Variants in SORCS3 observed in about 807,000 individuals in gnomAD.
The protein encoded by SORCS3 is sortilin related VPS10 domain containing receptor 3.
In SORCS3, 57 loss-of-function variants were observed where a neutral mutation model predicts 146.3. That is an observed-to-expected ratio of 0.39 (90% CI 0.31 to 0.49). The LOEUF is 0.49. Among genes scored for constraint, SORCS3 ranks in the 20% least tolerant of loss-of-function variants. SORCS3 has a pLI of 0.92. For missense variants in SORCS3, 1,341 were observed against 1,575.5 expected (o/e 0.85, Z 2.52); for synonymous variants, 653 against 618.5 (o/e 1.06, Z -0.83).
At chr10:105,190,134 G>C (rs1380283859) in intron 14 of SORCS3, among the ~76,000 whole-genome samples, 1 of 152,200 alleles carries the variant, frequency 6.6e-6, no homozygotes, top group Middle Eastern at 3.2e-3. Flanking sequence ...GATTGCTAAT[G>C]AGTCATGAAG....
intron 5 of SORCS3, among the ~76,000 whole-genome samples, chr10:105,076,409 A>G (rs768371425): frequency 1.3e-5 from 2 of 152,134 alleles, no homozygotes; most frequent in Admixed American, 6.6e-5. Context: ...ATTTTTGTTC[A>G]TTCCTAATTG....
intron 2 of SORCS3, among the ~76,000 whole-genome samples, chr10:104,900,718 G>C (rs756635498): frequency 6.6e-6 from 1 of 151,936 alleles, no homozygotes; most frequent in Non-Finnish European, 1.5e-5. Flanking sequence ...GTGAAACCCC[G>C]TCTCTACTAA....
intron 9 of SORCS3, 152 bp downstream of exon 9, chr10:105,147,948 A>G: frequency 1.7e-6 from 1 of 591,760 alleles, no homozygotes; most frequent in Non-Finnish European, 2.9e-6. Flanking sequence ...TATATGCCTC[A>G]ATTCTAGTAA....
chr10:105,161,730 C>T (rs1301062232), intron 11 of SORCS3, among the ~76,000 whole-genome samples: 1 of 152,138 alleles, frequency 6.6e-6, no homozygotes, highest in Non-Finnish European at 1.5e-5. Context: ...GCCTTGATTG[C>T]ATAACTGCAC....
chr10:104,963,708 GT>G, intron 3 of SORCS3, among the ~76,000 whole-genome samples: 1 of 152,160 alleles, frequency 6.6e-6, no homozygotes, highest in East Asian at 1.9e-4. Flanking sequence ...TAACGTCTCT[GT>G]TTGGATGTGT....
intron 3 of SORCS3, among the ~76,000 whole-genome samples, chr10:104,927,659 A>C (rs2019161877): frequency 6.6e-6 from 1 of 152,186 alleles, no homozygotes. Context: ...CAGGTGGATC[A>C]CCTGAGGTCA....
At chr10:105,114,364 T>G (rs527355104) in intron 7 of SORCS3, among the ~76,000 whole-genome samples, 1 of 152,228 alleles carries the variant, frequency 6.6e-6, no homozygotes, top group South Asian at 2.1e-4. Context: ...AGCAGAAAAT[T>G]TGGAAGAGGG....
chr10:104,939,818 C>A (rs1455457357), intron 3 of SORCS3, among the ~76,000 whole-genome samples: 4 of 152,156 alleles, frequency 2.6e-5, no homozygotes, highest in Admixed American at 2.6e-4. Flanking sequence ...ATTAAACAAT[C>A]TTTCCATTGA....
intron 3 of SORCS3, among the ~76,000 whole-genome samples, chr10:104,972,907 G>C (rs1476873938): frequency 6.6e-6 from 1 of 152,146 alleles, no homozygotes; most frequent in Non-Finnish European, 1.5e-5. Flanking sequence ...AGCATGAAGG[G>C]TTGTTGAATT....
At chr10:104,820,375 C>T (rs1036680569) in intron 1 of SORCS3, among the ~76,000 whole-genome samples, 4 of 152,170 alleles carry the variant, frequency 2.6e-5, no homozygotes, top group Admixed American at 2.0e-4. Flanking sequence ...AATTTATCAA[C>T]TGGCTAACAT....
intron 1 of SORCS3, among the ~76,000 whole-genome samples, chr10:104,758,081 G>A (rs1564676784): frequency 6.6e-6 from 1 of 152,172 alleles, no homozygotes; most frequent in Non-Finnish European, 1.5e-5. Context: ...CCTCCACACT[G>A]AGGAATGAAG....
Position 105,228,591 on chromosome 10 carries a change from T to G in SORCS3, c.2868+5342T>G, listed in dbSNP as rs1589698670. ...TGTCTGGGAAATATTTCATTTCTTCTTCATTTATGAAGAATATCTTTGCTA... is the reference window on the plus strand; with the variant it reads ...TGTCTGGGAAATATTTCATTTCTTCGTCATTTATGAAGAATATCTTTGCTA... On this transcript the variant is annotated intron_variant, in intron 20 of 26. Transcript: ENST00000369701. Among the ~76,000 whole-genome samples the G allele has an allele frequency of 3.3e-5, 5 of 152,270 alleles. No homozygotes were observed. The South Asian group carries it at 1.0e-3, about 32-fold the overall frequency.
chr10:104,709,615 T>A (rs1328855273), intron 1 of SORCS3, among the ~76,000 whole-genome samples: 2 of 152,302 alleles, frequency 1.3e-5, no homozygotes, highest in East Asian at 3.9e-4. Flanking sequence ...ATTTGACAGA[T>A]GGGGAACTCA....
chr10:104,818,405 T>TTCCTTCCTTCCTTCC (rs1564690833), intron 1 of SORCS3, among the ~76,000 whole-genome samples: 2 of 91,322 alleles, frequency 2.2e-5, no homozygotes, highest in East Asian at 2.9e-4. Flanking sequence ...TCCTTCCTTC[T>TTCCTTCCTTCCTTCC]TTCTCTCTTT....
At chr10:104,667,561 GA>G (rs1052083014) in intron 1 of SORCS3, among the ~76,000 whole-genome samples, 2 of 151,754 alleles carry the variant, frequency 1.3e-5, no homozygotes, top group South Asian at 2.1e-4. Context: ...CCTTTTTAAA[GA>G]AAAAAAATGA....
intron 4 of SORCS3, 47 bp downstream of exon 4, chr10:104,977,540 C>T (rs1435087654): frequency 6.6e-7 from 1 of 1,506,722 alleles, no homozygotes; most frequent in Non-Finnish European, 8.9e-7. Context: ...CAGGTACCAC[C>T]ATGTGAAAAT....
chr10:104,935,350 T>C (rs1348559855), intron 3 of SORCS3, among the ~76,000 whole-genome samples: 2 of 152,208 alleles, frequency 1.3e-5, no homozygotes, highest in Non-Finnish European at 2.9e-5. Context: ...TTTCATTAGA[T>C]CTCAACTCTG....
At chr10:104,970,516 C>A (rs2054854746) in intron 3 of SORCS3, among the ~76,000 whole-genome samples, 1 of 152,162 alleles carries the variant, frequency 6.6e-6, no homozygotes, top group South Asian at 2.1e-4. Context: ...TTCTCAAGGG[C>A]AGCTTGAGTG....
At chr10:105,257,028 A>C in intron 25 of SORCS3, 104 bp downstream of exon 25, 1 of 827,474 alleles carries the variant, frequency 1.2e-6, no homozygotes, top group Non-Finnish European at 2.0e-6. Flanking sequence ...GTGATTTTTA[A>C]TTCTCCTTGA....
Sources: allele counts gnomAD v4.1 joint callset (sites outside exome capture counted in the v4.1 genomes callset), GRCh38; gene constraint gnomAD v4.1.1; transcripts MANE v1.5; gene names NCBI Gene and HGNC (gene_info 2026-07-23, HGNC 2026-07-21).